TSC22D1: variants seen among roughly 807,000 people sequenced by gnomAD.
TSC22D1 encodes the protein TSC22 domain family protein 1.
A neutral mutation model predicts 74.2 loss-of-function variants in TSC22D1; 9 were observed. That is an observed-to-expected ratio of 0.12 (90% CI 0.07 to 0.21). The LOEUF (loss-of-function observed/expected upper bound fraction) is 0.21, where lower values mean the gene tolerates loss of function less well. TSC22D1 is among the 10% of genes least tolerant of loss of function. TSC22D1 has a pLI of 1.00. For synonymous variants in TSC22D1, 586 were observed against 492.5 expected (o/e 1.19, Z -2.51); for missense variants, 1,427 against 1,304.7 (o/e 1.09, Z -1.44).
chr13:44,572,884 T>C (rs1424831798), intron 1 of TSC22D1, among the ~76,000 whole-genome samples: 1 of 152,240 alleles, frequency 6.6e-6, no homozygotes, highest in African/African-American at 2.4e-5. Flanking sequence ...AAAAGCATTT[T>C]AGAGATAATA....
At position 44,573,613 on chromosome 13, in the gene TSC22D1, A is replaced by C. The variant is rs370884770; in HGVS notation, c.2462T>G (p.Val821Gly). 1.9e-5 allele frequency: 31 copies of C among 1,614,124 alleles called. No homozygotes were observed. Among genetic ancestry groups the C allele is most frequent in the Non-Finnish European group, 2.6e-5 (31 of 1,180,052 alleles). The part of the protein sequence containing the change: ...QGIVSQQLPA[V>G]SSLPSASSIS... Reference sequence around the variant, plus strand: ...ACTACTAGCAGAGGGCAAAGAACTAACTGCAGGCAACTGCTGTGAAACAAT... The same window carrying C: ...ACTACTAGCAGAGGGCAAAGAACTACCTGCAGGCAACTGCTGTGAAACAAT... Residue 821 changes from valine (V) to glycine (G), a missense_variant, in exon 1 of 3, where the codon GTT becomes GGT. Coordinates refer to ENST00000458659, the MANE Select transcript of TSC22D1 (RefSeq NM_183422.4).
chr13:44,557,919 A>G (rs1882788182), intron 1 of TSC22D1, among the ~76,000 whole-genome samples: 1 of 152,236 alleles, frequency 6.6e-6, no homozygotes, highest in Non-Finnish European at 1.5e-5. Context: ...CAAATTTTCC[A>G]AATTTAAAGT....
At position 44,574,467 on chromosome 13, in the gene TSC22D1, T is replaced by A; in HGVS notation, c.1608A>T (p.Pro536=). 3.1e-6 allele frequency: 5 copies of A among 1,614,006 alleles called. No individual in the cohort carries two copies. The highest frequency in any genetic ancestry group is 4.2e-6 in the Non-Finnish European group (5 of 1,179,936). The change falls in exon 1 of 3, where the codon CCA becomes CCT. Residue 536 remains proline, a synonymous_variant. Coordinates refer to ENST00000458659, the MANE Select transcript of TSC22D1 (RefSeq NM_183422.4). ...AGATCTGTGACTGAGAAATACTCTG[T>A]GGTATACTAACTGCTGGAATACTCT... The part of the protein sequence containing the change: ...GPQSIPAVSI[P]QSISQSQISQ...
At chr13:44,503,080 T>G (rs1186972241) in intron 1 of TSC22D1, among the ~76,000 whole-genome samples, 1 of 152,210 alleles carries the variant, frequency 6.6e-6, no homozygotes, top group Non-Finnish European at 1.5e-5. Flanking sequence ...TGTGACTAGC[T>G]TACATGATAT....
At chr13:44,457,693 T>C (rs2138939425) in intron 1 of TSC22D1, among the ~76,000 whole-genome samples, 1 of 136,756 alleles carries the variant, frequency 7.3e-6, no homozygotes, top group South Asian at 2.4e-4. Context: ...GAGAAAGCAC[T>C]ATTTATATAA....
intron 1 of TSC22D1, among the ~76,000 whole-genome samples, chr13:44,447,434 A>G (rs1875771086): frequency 1.3e-5 from 2 of 152,202 alleles, no homozygotes; most frequent in African/African-American, 4.8e-5. Context: ...TCATTATATA[A>G]AATGCATTAC....
chr13:44,564,038 A>C (rs1461722091), intron 1 of TSC22D1, among the ~76,000 whole-genome samples: 1 of 152,208 alleles, frequency 6.6e-6, no homozygotes, highest in Non-Finnish European at 1.5e-5. Context: ...GCTCACAAAC[A>C]CAGCAAAAAG....
chr13:44,517,853 A>ATTTT (rs1438542551), intron 1 of TSC22D1, among the ~76,000 whole-genome samples: 7 of 23,258 alleles, frequency 3.0e-4, no homozygotes, highest in Non-Finnish European at 6.2e-4. Flanking sequence ...ATATATATAT[A>ATTTT]TATATTTTTT....
At chr13:44,437,658 G>C (rs1566111053) in intron 1 of TSC22D1, among the ~76,000 whole-genome samples, 1 of 152,036 alleles carries the variant, frequency 6.6e-6, no homozygotes. Context: ...CAATCCACAG[G>C]TTGAATTCCA....
chr13:44,561,315 CAATT>C lies in TSC22D1; in HGVS notation c.2912+11844_2912+11847del, dbSNP rs1002307469. Among the ~76,000 whole-genome samples the C allele has an allele frequency of 2.6e-5, 4 of 152,246 alleles. No homozygotes were observed. The East Asian group carries it at 5.8e-4, about 22-fold the overall frequency. On this transcript the variant is annotated intron_variant, in intron 1 of 2. Coordinates refer to ENST00000458659, the MANE Select transcript of TSC22D1 (RefSeq NM_183422.4). ...AAGGAATTATTGAGTTTCTCATACTCAATTAAGGAAGGAAGCAACTAGACATCCC... is the reference window on the plus strand; with the variant it reads ...AAGGAATTATTGAGTTTCTCATACTCAAGGAAGGAAGCAACTAGACATCCC...
chr13:44,434,668 G>A lies in TSC22D1; in HGVS notation c.3180C>T (p.Pro1060=). 5.0e-6 allele frequency: 8 copies of A among 1,600,964 alleles called. No individual in the cohort carries two copies. Among genetic ancestry groups the A allele is most frequent in the Non-Finnish European group, 6.8e-6 (8 of 1,174,418 alleles). ...ATTQPQGTTQ[P]PAQPASQGSG... is the part of the protein sequence containing the mutation. ...AGCCCTGCGATGCTGGCTGGGCGGG[G>A]GGCTGTGTGGTGCCCTGTGGCTGGG... is the stretch of plus-strand genomic sequence containing the variant. Residue 1060 remains proline (P), a synonymous_variant, in exon 3 of 3, where the codon CCC becomes CCT. Transcript: ENST00000458659.
intron 1 of TSC22D1, among the ~76,000 whole-genome samples, chr13:44,442,914 C>CAAAAA (rs386378995): frequency 8.0e-5 from 7 of 86,994 alleles, no homozygotes; most frequent in East Asian, 3.1e-4. Context: ...GAGACTCTGT[C>CAAAAA]AAAAAAAAAA....
chr13:44,461,869 G>C (rs945812796), intron 1 of TSC22D1, among the ~76,000 whole-genome samples: 4 of 152,194 alleles, frequency 2.6e-5, no homozygotes, highest in Admixed American at 1.3e-4. Flanking sequence ...TATCAACCCT[G>C]CCTTTAGGAA....
rs1041180942 is a variant in TSC22D1 at position 44,552,882 on chromosome 13, G to A, written c.2912+20281C>T. On this transcript the variant is annotated intron_variant, in intron 1 of 2. Coordinates refer to ENST00000458659, the MANE Select transcript of TSC22D1 (RefSeq NM_183422.4). ...AGGCGCCTTTAGTCCCATCTACTCCGGAGGCTGAGGCAGGAGAATGGCGTG... is the reference window on the plus strand; with the variant it reads ...AGGCGCCTTTAGTCCCATCTACTCCAGAGGCTGAGGCAGGAGAATGGCGTG... Among the ~76,000 whole-genome samples the A allele has an allele frequency of 5.9e-5, 9 of 152,142 alleles. No homozygotes were observed. In the South Asian group the frequency reaches 6.2e-4, roughly 10 times the overall value.
chr13:44,488,687 G>A (rs968469623), intron 1 of TSC22D1, among the ~76,000 whole-genome samples: 9 of 152,190 alleles, frequency 5.9e-5, no homozygotes, highest in African/African-American at 1.9e-4. Context: ...TAGCAAAATG[G>A]CTAATTGCAT....
chr13:44,479,117 C>T (rs1555780), intron 1 of TSC22D1, among the ~76,000 whole-genome samples: 1,761 of 152,218 alleles, frequency 0.012, 30 homozygotes, highest in African/African-American at 0.04. Flanking sequence ...TACTAAAAAA[C>T]ACCAGAACTA....
chr13:44,472,195 C>T (rs1877643718), intron 1 of TSC22D1, among the ~76,000 whole-genome samples: 1 of 152,058 alleles, frequency 6.6e-6, no homozygotes, highest in Non-Finnish European at 1.5e-5. Context: ...TGGTTTTGAT[C>T]CTATCCTCAG....
At chr13:44,510,547 GA>G (rs1337028278) in intron 1 of TSC22D1, among the ~76,000 whole-genome samples, 2 of 152,166 alleles carry the variant, frequency 1.3e-5, no homozygotes, top group African/African-American at 4.8e-5. Flanking sequence ...AAAATGAAAT[GA>G]ACATCAGGCA....
At chr13:44,451,711 A>G (rs1209394804) in intron 1 of TSC22D1, among the ~76,000 whole-genome samples, 1 of 152,250 alleles carries the variant, frequency 6.6e-6, no homozygotes, top group Non-Finnish European at 1.5e-5. Flanking sequence ...GAGGGGATCC[A>G]GAAGAATGCG....
Sources: allele counts gnomAD v4.1 joint callset (sites outside exome capture counted in the v4.1 genomes callset), GRCh38; gene constraint gnomAD v4.1.1; transcripts MANE v1.5; gene names NCBI Gene and HGNC (gene_info 2026-07-23, HGNC 2026-07-21).